Variants in ADTRP observed in about 807,000 individuals in gnomAD.
ADTRP encodes the protein androgen dependent TFPI regulating protein.
A neutral mutation model predicts 27.0 loss-of-function variants in ADTRP; 20 were observed. The ratio of observed to expected loss-of-function variants is 0.74; its 90% confidence interval spans 0.52 to 1.08. ADTRP has a LOEUF of 1.08. Among genes scored for constraint, ADTRP ranks in the 50% least tolerant of loss-of-function variants. The pLI is 0.00. For synonymous variants in ADTRP, 101 were observed against 105.2 expected (o/e 0.96, Z 0.25); for missense variants, 251 against 275.0 (o/e 0.91, Z 0.62).
intron 5 of ADTRP, among the ~76,000 whole-genome samples, chr6:11,718,054 G>A (rs1184309102): frequency 5.9e-5 from 9 of 152,208 alleles, no homozygotes. Context: ...AAGAAAATCT[G>A]CCTTTTAAAA....
At chr6:11,762,532 G>C (rs1581361221) in intron 3 of ADTRP, among the ~76,000 whole-genome samples, 1 of 152,182 alleles carries the variant, frequency 6.6e-6, no homozygotes, top group South Asian at 2.1e-4. Context: ...AATTTAAAGA[G>C]CCAGGGAAGG....
intron 3 of ADTRP, among the ~76,000 whole-genome samples, chr6:11,747,949 T>C (rs1762920544): frequency 6.6e-6 from 1 of 152,222 alleles, no homozygotes; most frequent in Non-Finnish European, 1.5e-5. Flanking sequence ...TTTGGAGACA[T>C]GAATACACAG....
intron 3 of ADTRP, among the ~76,000 whole-genome samples, chr6:11,761,871 C>T (rs1561769202): frequency 6.6e-6 from 1 of 152,160 alleles, no homozygotes; most frequent in Non-Finnish European, 1.5e-5. Context: ...GGTTGAAAAC[C>T]ACTGAGTTGT....
chr6:11,744,191 G>A (rs1356453853), intron 3 of ADTRP, among the ~76,000 whole-genome samples: 1 of 152,124 alleles, frequency 6.6e-6, no homozygotes, highest in Admixed American at 6.6e-5. Flanking sequence ...CTCTTTCCAT[G>A]TGACATGACA....
chr6:11,756,222 G>A (rs748536905), intron 3 of ADTRP, among the ~76,000 whole-genome samples: 28 of 152,110 alleles, frequency 1.8e-4, no homozygotes, highest in Non-Finnish European at 3.5e-4. Flanking sequence ...TTAGCCAGGC[G>A]TTGCATGTGC....
At chr6:11,717,871 C>T (rs1478041919) in intron 5 of ADTRP, among the ~76,000 whole-genome samples, 1 of 152,180 alleles carries the variant, frequency 6.6e-6, no homozygotes. Context: ...TAAATTTTTG[C>T]CATTGACTAA....
chr6:11,778,730 G>GTGGT lies in ADTRP; in HGVS notation c.26_29dup (p.His10GlnfsTer42). On this transcript the variant is annotated frameshift_variant, in exon 1 of 6. Transcript: ENST00000414691. LOFTEE classifies it high-confidence loss of function. ...AAGTATACCAGCTCAGAACAAGGAA[G>GTGGT]TGGTATATGCATGTAGAAGTCTTCG... 6.2e-7 allele frequency: 1 copy of GTGGT among 1,614,232 alleles called. No individual in the cohort carries two copies. The highest frequency in any genetic ancestry group is 1.3e-5 in the African/African-American group (1 of 75,058).
chr6:11,765,327 T>G (rs1018074037), intron 3 of ADTRP, among the ~76,000 whole-genome samples: 8 of 142,408 alleles, frequency 5.6e-5, no homozygotes, highest in Non-Finnish European at 1.1e-4. Context: ...TGGTTTGTTT[T>G]TTTTTTTTTT....
At chr6:11,729,952 A>G (rs1762332742) in intron 4 of ADTRP, among the ~76,000 whole-genome samples, 1 of 152,234 alleles carries the variant, frequency 6.6e-6, no homozygotes, top group African/African-American at 2.4e-5. Context: ...ATCAATCCAT[A>G]AAACCTATTC....
At chr6:11,741,079 C>T (rs375316106) in intron 3 of ADTRP, among the ~76,000 whole-genome samples, 2 of 152,102 alleles carry the variant, frequency 1.3e-5, no homozygotes, top group Non-Finnish European at 2.9e-5. Context: ...CATTAAAATT[C>T]GTGGGGAGGA....
chr6:11,771,948 C>A (rs1763795003), intron 1 of ADTRP, among the ~76,000 whole-genome samples: 1 of 152,180 alleles, frequency 6.6e-6, no homozygotes, highest in African/African-American at 2.4e-5. Flanking sequence ...ATGAGAAAAT[C>A]AATTTCTGTT....
At chr6:11,735,496 T>C in intron 4 of ADTRP, 72 bp downstream of exon 4, 1 of 1,069,904 alleles carries the variant, frequency 9.3e-7, no homozygotes, top group Non-Finnish European at 1.4e-6. Flanking sequence ...GACAGAACAG[T>C]ACACATTTCT....
At chr6:11,770,546 G>A (rs529487978) in intron 1 of ADTRP, among the ~76,000 whole-genome samples, 7 of 152,232 alleles carry the variant, frequency 4.6e-5, no homozygotes, top group African/African-American at 1.7e-4. Flanking sequence ...ACTAAAGAAC[G>A]GCCGGGGGTA....
intron 3 of ADTRP, among the ~76,000 whole-genome samples, chr6:11,737,031 A>G (rs947273163): frequency 6.6e-6 from 1 of 152,128 alleles, no homozygotes; most frequent in Non-Finnish European, 1.5e-5. Flanking sequence ...TCAAGGAAAT[A>G]ACTTTAGGAA....
At chr6:11,722,708 G>T (rs1762056187) in intron 5 of ADTRP, among the ~76,000 whole-genome samples, 1 of 151,784 alleles carries the variant, frequency 6.6e-6, no homozygotes, top group Non-Finnish European at 1.5e-5. Flanking sequence ...AAGTTAAGAT[G>T]ATTTTTTTTT....
chr6:11,723,628 C>G (rs1762090027), intron 4 of ADTRP, 128 bp from the exon 5 acceptor site: 1 of 1,039,816 alleles, frequency 9.6e-7, no homozygotes, highest in African/African-American at 1.6e-5. Flanking sequence ...TTGTCAACAG[C>G]TGTAGTATTC....
At chr6:11,769,942 CTG>C (rs1763711283) in intron 1 of ADTRP, 1 of 1,397,454 alleles carries the variant, frequency 7.2e-7, no homozygotes, top group Non-Finnish European at 9.9e-7. Context: ...AGGCACTGAA[CTG>C]TGTTTCATTC....
intron 4 of ADTRP, among the ~76,000 whole-genome samples, chr6:11,735,176 G>A (rs1233116439): frequency 6.6e-6 from 1 of 152,186 alleles, no homozygotes; most frequent in Non-Finnish European, 1.5e-5. Flanking sequence ...AGCATGCTCT[G>A]CCCACTAAAT....
intron 3 of ADTRP, 109 bp downstream of exon 3, chr6:11,766,165 G>C (rs1225624888): frequency 7.9e-6 from 6 of 761,778 alleles, no homozygotes; most frequent in Non-Finnish European, 1.3e-5. Context: ...TGATGAGGTA[G>C]ATTGGATGCT....
Sources: gnomAD v4.1 joint callset for allele counts (sites outside exome capture counted in the v4.1 genomes callset) on GRCh38, gnomAD v4.1.1 for gene constraint, MANE v1.5 for transcripts, NCBI Gene and HGNC (gene_info 2026-07-23, HGNC 2026-07-21) for gene names.